HELZ2: variants seen among roughly 807,000 people sequenced by gnomAD.
HELZ2 encodes 3'-5' exoribonuclease HELZ2.
HELZ2 carries 143 observed loss-of-function variants against 208.8 expected under a neutral mutation model. The ratio of observed to expected loss-of-function variants is 0.68; its 90% CI spans 0.60 to 0.79. The LOEUF (loss-of-function observed/expected upper bound fraction) is 0.79. Ranked by LOEUF, HELZ2 falls within the 30% of genes least tolerant of loss-of-function variation. The probability of loss-of-function intolerance (pLI) is 0.00; values close to 1 mark genes in which losing one functional copy is unlikely to be tolerated. For missense variants in HELZ2, 3,690 were observed against 3,794.5 expected (o/e 0.97, Z 0.72); for synonymous variants, 1,705 against 1,693.7 (o/e 1.01, Z -0.16).
At chr20:63,570,405 G>C (rs776348786) in intron 3 of HELZ2, 99 bp downstream of exon 4, 1 of 954,268 alleles carries the variant, frequency 1.0e-6, no homozygotes, top group Non-Finnish European at 1.7e-6. Context: ...GCAGTGCCTC[G>C]GTATTAGCTC....
At chr20:63,572,651 C>T (rs569453205), upstream of HELZ2, 710 of 452,314 alleles carry the variant, frequency 1.6e-3, 3 homozygotes, top group Non-Finnish European at 2.3e-3. Flanking sequence ...CAGCTCGAAG[C>T]GGCCGCCAAA....
intron 3 of HELZ2, among the ~76,000 whole-genome samples, chr20:63,569,877 T>C (rs1420926292): frequency 6.6e-6 from 1 of 152,178 alleles, no homozygotes; most frequent in African/African-American, 2.4e-5. Flanking sequence ...CCTGTGGATG[T>C]CCCGTGGGGC....
exon 8 of HELZ2, chr20:63,566,044 C>T (rs764078389): frequency 6.3e-7 from 1 of 1,590,502 alleles, no homozygotes; most frequent in Admixed American, 1.7e-5. Context: ...TCTCCCAGAG[C>T]TTGCCGCAGG....
chr20:63,559,613 A>G (rs111169843), intron 18 of HELZ2, among the ~76,000 whole-genome samples: 20 of 43,108 alleles, frequency 4.6e-4, no homozygotes, highest in South Asian at 2.2e-3. Context: ...TCAGGGTCAG[A>G]TGGGAGTCAG....
chr20:63,563,387 G>T lies in HELZ2; in HGVS notation c.5435C>A (p.Pro1812His). ...GGTGTGTGGGTCCGGCACAGTGCCA[G>T]GCAGTGGCAGGGGCGGGCTGGATCC... The change falls in exon 8 of 19, where the codon CCT (proline) becomes CAT (histidine). Residue 1812 changes from proline (P) to histidine (H), a missense_variant. Physicochemically the swap from Pro to His is moderately conservative, Grantham distance 77. Coordinates refer to ENST00000467148, the Ensembl canonical transcript of HELZ2. The T allele has an allele frequency of 2.0e-6, 3 of 1,536,666 alleles. No individual in the cohort carries two copies. Among genetic ancestry groups the T allele is most frequent in the Non-Finnish European group, 2.6e-6 (3 of 1,147,340 alleles).
chr20:63,564,565 C>A lies in HELZ2; in HGVS notation c.4257G>T (p.Leu1419=). 4 of 1,568,436 alleles carry A rather than the reference C, an allele frequency of 2.6e-6. No individual in the cohort carries two copies. The South Asian group carries it at 4.7e-5, about 18-fold the overall frequency. The change falls in exon 8 of 19, where the codon CTG becomes CTT. Residue 1419 remains leucine, a synonymous_variant. Coordinates refer to ENST00000467148, the Ensembl canonical transcript of HELZ2. Reference sequence around the variant, plus strand: ...AGATGGCCAGGCGGTCCCGGCCAGGCAGGAGGCTGAGGACGTCCTGGCAGA... The same window carrying A: ...AGATGGCCAGGCGGTCCCGGCCAGGAAGGAGGCTGAGGACGTCCTGGCAGA...
intron 12 of HELZ2, 36 bp from the exon 14 acceptor site, chr20:63,561,502 G>C (rs1262877136): frequency 2.5e-6 from 4 of 1,582,620 alleles, no homozygotes; most frequent in Non-Finnish European, 2.6e-6. Context: ...TGTCCACGCA[G>C]GGCCATCACG....
downstream of HELZ2, chr20:63,558,772 A>C (rs2082842719): frequency 6.6e-6 from 1 of 152,562 alleles, no homozygotes; most frequent in Non-Finnish European, 1.5e-5. Flanking sequence ...TCCTGACCTC[A>C]GGTGATCTGC....
At position 63,561,810 on chromosome 20, in the gene HELZ2, G is replaced by T. The variant is rs781057933; in HGVS notation, c.6691+13C>A. On this transcript the variant is annotated intron_variant, in intron 11 of 18. Coordinates refer to ENST00000467148, the Ensembl canonical transcript of HELZ2. ...CAGCTCCCCAAAGGCCCCCACCGCC[G>T]ACCCCGGCGCACCTGCCAGGACATC... 2 of 1,553,872 alleles carry T rather than the reference G, an allele frequency of 1.3e-6. No individual in the cohort carries two copies. Among genetic ancestry groups the T allele is most frequent in the South Asian group, 1.2e-5 (1 of 85,018 alleles).
chr20:63,569,621 G>A (rs750130024), exon 4 of HELZ2: 48 of 1,547,688 alleles, frequency 3.1e-5, no homozygotes, highest in Non-Finnish European at 3.8e-5. Flanking sequence ...GAGAGAAGTC[G>A]GCTCCTGGCT....
Position 63,571,910 on chromosome 20 carries a change from G to C in HELZ2, c.278+198C>G, listed in dbSNP as rs1341402535. On this transcript the variant is annotated intron_variant, in intron 1 of 18. Transcript: ENST00000467148. ...CTGGGAGCCTCTGGCTCTGCCTGTG[G>C]TGGGCTCCTGCGCTACTCCAAGCTC... 1.2e-4 allele frequency: 49 copies of C among 420,268 alleles called. 5 individuals are homozygous for C. The highest frequency in any genetic ancestry group is 1.7e-4 in the Non-Finnish European group (44 of 252,738). 26.0% of individuals were successfully genotyped at this position (420,268 alleles called of 1,614,324 possible). A position where few individuals can be genotyped will look rare whatever the true frequency, so the allele number is the denominator to read the frequency against.
In HELZ2 at chr20:63,560,384, A is replaced by G. The variant is rs1569027657; in HGVS notation, c.7501-57T>C. 4.4e-6 allele frequency: 7 copies of G among 1,576,644 alleles called. 1 individual carries two copies. The highest frequency in any genetic ancestry group is 6.0e-6 in the Non-Finnish European group (7 of 1,165,896). ...CCTGGTGTCTCTCCTGCCCTCCTCC[A>G]GGAAGCCCTCCCTGACTCACAAGCA... On this transcript the variant is annotated intron_variant, in intron 16 of 18. Transcript: ENST00000467148.
At chr20:63,572,310 C>A in exon 1 of HELZ2, 1 of 1,586,916 alleles carries the variant, frequency 6.3e-7, no homozygotes, top group African/African-American at 1.3e-5. Flanking sequence ...GTGCGCCCGT[C>A]GCCATCAGGG....
At chr20:63,561,383 C>G in exon 13 of HELZ2, 2 of 1,613,106 alleles carry the variant, frequency 1.2e-6, no homozygotes, top group South Asian at 2.2e-5. Flanking sequence ...GAGCTCCCCT[C>G]TCTGCAGCCG....
At chr20:63,567,731 T>C in intron 5 of HELZ2, 104 bp from the exon 7 acceptor site, 1 of 1,481,196 alleles carries the variant, frequency 6.8e-7, no homozygotes, top group Non-Finnish European at 9.0e-7. Flanking sequence ...AGCACAGCCC[T>C]TGTCTGGCTG....
rs1037479449 is a variant in HELZ2 at position 63,561,483 on chromosome 20, A to G, written c.6837-17T>C. ...GTGATGCTCCTGGGGGACAGGACAC[A>G]GTGAGCCCTGTCCACGCAGGGCCAT... On this transcript the variant is annotated splice_polypyrimidine_tract_variant and intron_variant, in intron 12 of 18. Coordinates refer to ENST00000467148, the Ensembl canonical transcript of HELZ2. 8 of 1,597,362 alleles carry G rather than the reference A, an allele frequency of 5.0e-6. No individual in the cohort carries two copies. Among genetic ancestry groups the G allele is most frequent in the Non-Finnish European group, 6.0e-6 (7 of 1,171,864 alleles).
At chr20:63,560,573 A>T in exon 16 of HELZ2, 8 of 1,612,848 alleles carry the variant, frequency 5.0e-6, no homozygotes, top group Non-Finnish European at 6.8e-6. Flanking sequence ...CACGTGGCCA[A>T]AGATGACAGG....
At chr20:63,569,592 G>A (rs764298257) in exon 4 of HELZ2, 12 of 1,567,552 alleles carry the variant, frequency 7.7e-6, no homozygotes, top group East Asian at 4.8e-5. Flanking sequence ...CCGGCCTGGC[G>A]GGAGGCCGGG....
rs2082935420 is a variant in HELZ2 at position 63,565,006 on chromosome 20, C to T, written c.3816G>A (p.Trp1272Ter). The T allele has an allele frequency of 6.3e-7, 1 of 1,593,794 alleles. No homozygotes were observed. Among genetic ancestry groups the T allele is most frequent in the East Asian group, 2.3e-5 (1 of 43,854 alleles). Reference sequence around the variant, plus strand: ...CCAGCGGGTAGTAGAAGCCTTGCCGCCACAGGACAATTTGGACCCAGAAGA... The same window carrying T: ...CCAGCGGGTAGTAGAAGCCTTGCCGTCACAGGACAATTTGGACCCAGAAGA... Residue 1272 changes from tryptophan to a stop codon, truncating the protein, a stop_gained, in exon 8 of 19, where the codon TGG (tryptophan) becomes TGA (stop). Transcript: ENST00000467148. LOFTEE classifies it high-confidence loss of function.
Sources: allele counts gnomAD v4.1 joint callset (sites outside exome capture counted in the v4.1 genomes callset), GRCh38; gene constraint gnomAD v4.1.1; transcripts MANE v1.5; gene names NCBI Gene and HGNC (gene_info 2026-07-23, HGNC 2026-07-21).